Variants in GALNT13 observed in about 807,000 individuals in gnomAD.
GALNT13 encodes the protein polypeptide N-acetylgalactosaminyltransferase 13.
Under a neutral mutation model 64.2 loss-of-function variants are expected in GALNT13, and 28 were observed. The observed-to-expected ratio is 0.44, with a 90% CI of 0.32 to 0.60. The LOEUF is 0.60. GALNT13 is among the 20% of genes least tolerant of loss of function. The probability of loss-of-function intolerance (pLI) is 0.05; values close to 1 mark genes in which losing one functional copy is unlikely to be tolerated. For missense variants in GALNT13, 577 were observed against 669.8 expected (o/e 0.86, Z 1.53); for synonymous variants, 214 against 224.6 (o/e 0.95, Z 0.42).
chr2:153,699,366 A>G, the GALNT13 span, among the ~76,000 whole-genome samples: 2 of 152,152 alleles, frequency 1.3e-5, no homozygotes, highest in South Asian at 4.1e-4. Flanking sequence ...TTGTAGCACT[A>G]AATGCCCTTA....
intron 4 of GALNT13, among the ~76,000 whole-genome samples, chr2:154,194,496 G>A (rs1443014023): frequency 1.3e-5 from 2 of 152,188 alleles, no homozygotes; most frequent in Non-Finnish European, 2.9e-5. Flanking sequence ...AGAGTGAACA[G>A]TCATTTCCTG....
chr2:153,490,864 G>T, the GALNT13 span, among the ~76,000 whole-genome samples: 4 of 151,610 alleles, frequency 2.6e-5, no homozygotes, highest in Middle Eastern at 3.4e-3. Flanking sequence ...AGAGGCTGAG[G>T]CAGGAGAATC....
intron 10 of GALNT13, among the ~76,000 whole-genome samples, chr2:154,405,718 A>T (rs1450185321): frequency 6.6e-6 from 1 of 152,112 alleles, no homozygotes; most frequent in East Asian, 1.9e-4. Flanking sequence ...TATCTCGAAA[A>T]ATAAAATAAT....
Position 154,396,120 on chromosome 2 carries a change from C to T in GALNT13, c.1286C>T (p.Ser429Leu). Residue 429 changes from serine to leucine, a missense_variant, in exon 10 of 13, where the codon TCA (serine) becomes TTA (leucine). Ser to Leu is a moderately radical substitution (Grantham distance 145, BLOSUM62 -2). Coordinates refer to ENST00000392825, the MANE Select transcript of GALNT13 (RefSeq NM_052917.4). ...TCCCAGATCCCAAGACGTTATTACT[C>T]ACTTGGTGAGGTATGAATTATTTAT... The part of the protein sequence containing the change: ...PDSQIPRRYY[S>L]LGEIRNVETN... 1 of 1,599,174 alleles carries T rather than the reference C, an allele frequency of 6.3e-7. No homozygotes were observed. The highest frequency in any genetic ancestry group is 1.1e-5 in the South Asian group (1 of 88,264).
At chr2:153,594,203 C>T in the GALNT13 span, among the ~76,000 whole-genome samples, 11 of 152,092 alleles carry the variant, frequency 7.2e-5, no homozygotes, top group African/African-American at 2.7e-4. Flanking sequence ...CTTATATACA[C>T]AGCTGCTGGA....
chr2:154,063,432 T>C (rs1347907998), intron 3 of GALNT13, among the ~76,000 whole-genome samples: 1 of 152,210 alleles, frequency 6.6e-6, no homozygotes, highest in East Asian at 1.9e-4. Flanking sequence ...ACCCACAGAT[T>C]TGTAATACTA....
At chr2:153,888,818 A>G (rs1687357661) in intron 1 of GALNT13, among the ~76,000 whole-genome samples, 1 of 151,970 alleles carries the variant, frequency 6.6e-6, no homozygotes, top group South Asian at 2.1e-4. Flanking sequence ...CTGCCAACAT[A>G]TTACACCAAT....
Position 153,944,520 on chromosome 2 carries a change from A to G in GALNT13, c.23A>G (p.Lys8Arg), listed in dbSNP as rs778367534. The stretch of plus-strand genomic sequence containing the variant: ...GACATGAGGAGATTTGTCTACTGCA[A>G]GGTGGTTCTAGCCACTTCGCTGATG... MRRFVYC[K>R]VVLATSLMWV... is the part of the protein sequence containing the mutation. Residue 8 changes from lysine (K) to arginine (R), a missense_variant, in exon 3 of 13, where the codon AAG (lysine) becomes AGG (arginine). Lys to Arg is a conservative substitution (Grantham distance 26). Around this residue, in one of 3 missense-constraint regions of GALNT13, gnomAD observed 341 missense variants for 379.3 expected, o/e 0.90. Coordinates refer to ENST00000392825, the MANE Select transcript of GALNT13 (RefSeq NM_052917.4). 23 of 1,613,364 alleles carry G rather than the reference A, an allele frequency of 1.4e-5. 1 individual carries two copies. In the Admixed American group the frequency reaches 2.5e-4, roughly 18 times the overall value.
the GALNT13 span, among the ~76,000 whole-genome samples, chr2:153,209,248 G>A: frequency 3.9e-5 from 6 of 152,044 alleles, no homozygotes; most frequent in Non-Finnish European, 8.8e-5. Flanking sequence ...CCAAAGTGCT[G>A]GGATTACAGG....
the GALNT13 span, among the ~76,000 whole-genome samples, chr2:153,671,354 C>T: frequency 6.6e-6 from 1 of 152,180 alleles, no homozygotes; most frequent in South Asian, 2.1e-4. Flanking sequence ...GTGGATCTCT[C>T]TGCAGAAACC....
At chr2:154,417,527 T>C (rs1700074158) in intron 11 of GALNT13, among the ~76,000 whole-genome samples, 1 of 151,242 alleles carries the variant, frequency 6.6e-6, no homozygotes, top group African/African-American at 2.4e-5. Flanking sequence ...ATTTATTTTT[T>C]TGAGGCGGAG....
At chr2:154,220,003 G>T (rs142920062) in intron 4 of GALNT13, among the ~76,000 whole-genome samples, 7 of 152,204 alleles carry the variant, frequency 4.6e-5, no homozygotes, top group African/African-American at 1.4e-4. Context: ...AGATCCAGGT[G>T]TGTTGTGCCT....
the GALNT13 span, among the ~76,000 whole-genome samples, chr2:153,672,356 C>G: frequency 6.6e-6 from 1 of 152,166 alleles, no homozygotes; most frequent in South Asian, 2.1e-4. Flanking sequence ...AACTGTCTCT[C>G]ACACCACAGT....
intron 3 of GALNT13, among the ~76,000 whole-genome samples, chr2:153,973,740 C>A (rs1024387895): frequency 1.3e-5 from 2 of 151,956 alleles, no homozygotes; most frequent in Non-Finnish European, 2.9e-5. Context: ...GTAGTTTGGA[C>A]ATCCTTTCCT....
chr2:154,082,141 C>A (rs7570899), intron 3 of GALNT13, among the ~76,000 whole-genome samples: 35,859 of 151,478 alleles, frequency 0.24, 4,597 homozygotes, highest in Non-Finnish European at 0.28. Flanking sequence ...AAGGAATTTT[C>A]TCCTTTGTTT....
At chr2:153,267,647 CCTCCTAGGT>C in the GALNT13 span, among the ~76,000 whole-genome samples, 1 of 152,204 alleles carries the variant, frequency 6.6e-6, no homozygotes, top group Non-Finnish European at 1.5e-5. Flanking sequence ...ACAATTTTTC[CCTCCTAGGT>C]CTCTGGACTT....
the GALNT13 span, among the ~76,000 whole-genome samples, chr2:153,196,585 G>C: frequency 6.6e-6 from 1 of 152,122 alleles, no homozygotes; most frequent in African/African-American, 2.4e-5. Flanking sequence ...CCTGCACCTG[G>C]GAGGCTGGAG....
chr2:153,244,435 CA>C, the GALNT13 span, among the ~76,000 whole-genome samples: 2 of 152,176 alleles, frequency 1.3e-5, no homozygotes, highest in East Asian at 1.9e-4. Context: ...GTGATTTCTG[CA>C]TTTCCAACTG....
intron 9 of GALNT13, among the ~76,000 whole-genome samples, chr2:154,355,764 A>C (rs1174234509): frequency 6.6e-6 from 1 of 152,088 alleles, no homozygotes; most frequent in Non-Finnish European, 1.5e-5. Context: ...AGGCAAAATT[A>C]TCCACTCAAT....
Sources: gnomAD v4.1 joint callset for allele counts (sites outside exome capture counted in the v4.1 genomes callset) on GRCh38, gnomAD v4.1.1 for gene constraint, gnomAD v4.1.1 regional missense constraint, MANE v1.5 for transcripts, NCBI Gene and HGNC (gene_info 2026-07-23, HGNC 2026-07-21) for gene names.